LACTBL1: variants seen among roughly 807,000 people sequenced by gnomAD.
The protein encoded by LACTBL1 is lactamase beta like 1, also known as beta-lactamase-like protein 1.
A neutral mutation model predicts 39.6 loss-of-function variants in LACTBL1; 29 were observed. That is an observed-to-expected ratio of 0.73 (90% CI 0.55 to 1.00). The LOEUF is 1.00. Ranked by LOEUF, LACTBL1 falls within the 50% of genes least tolerant of loss-of-function variation. The probability of loss-of-function intolerance (pLI) is 0.00; values close to 1 mark genes in which losing one functional copy is unlikely to be tolerated. For missense variants in LACTBL1, 711 were observed against 748.5 expected, an observed-to-expected ratio of 0.95 and a Z score of 0.59; for synonymous variants, 361 against 360.7, an observed-to-expected ratio of 1.00 and a Z score of -0.01.
chr1:22,958,735 G>A, exon 4 of LACTBL1: 1 of 1,550,552 alleles, frequency 6.4e-7, no homozygotes, highest in Non-Finnish European at 8.7e-7. Context: ...AGGCCTTGGG[G>A]CGGGGCCCAC....
At chr1:22,953,133 G>A (rs1276876806) in exon 6 of LACTBL1, 6 of 1,232,126 alleles carry the variant, frequency 4.9e-6, no homozygotes, top group Non-Finnish European at 1.0e-6. Context: ...ACAGCCCGTG[G>A]TGATCCAAGG....
chr1:22,964,782 C>CAAAGGGCCTGGTAGTT (rs1391849278), intron 1 of LACTBL1, among the ~76,000 whole-genome samples: 13 of 152,212 alleles, frequency 8.5e-5, no homozygotes, highest in Non-Finnish European at 1.9e-4. Flanking sequence ...AATTGGCAAA[C>CAAAGGGCCTGGTAGTT]AAAGGGCCTG....
chr1:22,969,400 G>A (rs1259362313), upstream of LACTBL1, among the ~76,000 whole-genome samples: 1 of 152,148 alleles, frequency 6.6e-6, no homozygotes, highest in Non-Finnish European at 1.5e-5. Context: ...TGTACATACT[G>A]ACATCTGCCT....
chr1:22,971,307 A>G, the LACTBL1 span, among the ~76,000 whole-genome samples: 2 of 151,996 alleles, frequency 1.3e-5, no homozygotes, highest in African/African-American at 2.4e-5. Context: ...TCTGTCTCCA[A>G]TCTCAGGATT....
the LACTBL1 span, among the ~76,000 whole-genome samples, chr1:22,970,567 G>A: frequency 1.3e-5 from 2 of 152,096 alleles, no homozygotes; most frequent in African/African-American, 2.4e-5. Flanking sequence ...TAGAACTCTG[G>A]GAGGCCGAGG....
chr1:22,957,823 T>G (rs920008542), intron 4 of LACTBL1, among the ~76,000 whole-genome samples: 2 of 151,934 alleles, frequency 1.3e-5, no homozygotes, highest in African/African-American at 4.8e-5. Flanking sequence ...GATAATTTTT[T>G]GTATTTTTAG....
In LACTBL1 at chr1:22,953,457, C is replaced by T. The variant is rs1208090790; in HGVS notation, c.1227G>A (p.Leu409=). ...GCTCGGCCTCCCGGAGGGCGCGCTC[C>T]AGGGCGGGCAGGAGCTCATCGTAGG... The change falls in exon 6 of 6, where the codon CTG becomes CTA. Residue 409 remains leucine, a synonymous_variant. Coordinates refer to ENST00000426928, the Ensembl canonical transcript of LACTBL1. 13 of 1,227,400 alleles carry T rather than the reference C, an allele frequency of 1.1e-5. No individual in the cohort carries two copies. In the East Asian group the frequency reaches 1.3e-4, roughly 12 times the overall value. The allele number at this position is 1,227,400 out of a possible 1,614,324, so 76.0% of individuals were successfully genotyped here.
Position 22,956,285 on chromosome 1 carries a change from T to C in LACTBL1, c.554-859A>G, listed in dbSNP as rs1050792821. The stretch of plus-strand genomic sequence containing the variant: ...TTCTTGGGAGGCTGAGGCAGGAGGA[T>C]TGCTTGAGCCCAGGAAGCCAGGTTG... On this transcript the variant is annotated intron_variant, in intron 4 of 5. Transcript: ENST00000426928. 1.3e-4 allele frequency among the ~76,000 whole-genome samples: 19 copies of C among 151,920 alleles called. 2 individuals are homozygous for C. Among genetic ancestry groups the C allele is most frequent in the Admixed American group, 9.2e-4 (14 of 15,224 alleles).
intron 1 of LACTBL1, among the ~76,000 whole-genome samples, chr1:22,963,735 G>A (rs961479770): frequency 6.6e-6 from 1 of 152,134 alleles, no homozygotes; most frequent in African/African-American, 2.4e-5. Flanking sequence ...AGAAGGTGAA[G>A]TGCTGGCAGG....
intron 4 of LACTBL1, among the ~76,000 whole-genome samples, chr1:22,958,273 C>T (rs906834231): frequency 1.3e-4 from 20 of 152,126 alleles, no homozygotes; most frequent in Non-Finnish European, 2.6e-4. Flanking sequence ...TTTTTAGAGA[C>T]GGGGTCTTAC....
At chr1:22,972,243 GCATGGTCAGACATGTGTCAGAAGCTGACA>G in the LACTBL1 span, 1 of 963,358 alleles carries the variant, frequency 1.0e-6, no homozygotes, top group Non-Finnish European at 1.2e-6. Context: ...AAGGACGGTG[GCATGGTCAGACATGTGTCAGAAGCTGACA>G]CATGGTGACA....
chr1:22,957,226 TACAG>T (rs1246967484), intron 4 of LACTBL1, among the ~76,000 whole-genome samples: 1 of 152,234 alleles, frequency 6.6e-6, no homozygotes, highest in Non-Finnish European at 1.5e-5. Context: ...TGTTTGATTG[TACAG>T]CTGTGTCATA....
At chr1:22,962,048 A>G (rs1352849508) in intron 2 of LACTBL1, among the ~76,000 whole-genome samples, 2 of 152,124 alleles carry the variant, frequency 1.3e-5, no homozygotes, top group Non-Finnish European at 2.9e-5. Context: ...GCCTGGCTCT[A>G]ACTTTGCCTT....
upstream of LACTBL1, among the ~76,000 whole-genome samples, chr1:22,967,895 TA>T (rs1640899642): frequency 6.6e-6 from 1 of 152,202 alleles, no homozygotes; most frequent in African/African-American, 2.4e-5. Context: ...CAGACCCTAA[TA>T]AATATTTGTT....
At chr1:22,963,792 C>T (rs1050026861) in intron 1 of LACTBL1, among the ~76,000 whole-genome samples, 1 of 152,086 alleles carries the variant, frequency 6.6e-6, no homozygotes, top group African/African-American at 2.4e-5. Flanking sequence ...CAAGCCTCTT[C>T]CTCTAAGGCT....
the LACTBL1 span, among the ~76,000 whole-genome samples, chr1:22,970,514 T>C: frequency 6.6e-6 from 1 of 152,130 alleles, no homozygotes; most frequent in Non-Finnish European, 1.5e-5. Flanking sequence ...TATATGTTTA[T>C]CGTGGTGGTG....
At chr1:22,972,293 G>A in the LACTBL1 span, 3 of 985,110 alleles carry the variant, frequency 3.0e-6, no homozygotes, top group South Asian at 9.4e-5. Flanking sequence ...GCTTCTTGAG[G>A]CTGTGCCTCA....
intron 3 of LACTBL1, among the ~76,000 whole-genome samples, chr1:22,959,739 C>T (rs1570500194): frequency 2.6e-5 from 4 of 152,202 alleles, no homozygotes; most frequent in Non-Finnish European, 4.4e-5. Flanking sequence ...CCTTTTACCC[C>T]TGTGATGTAA....
chr1:22,959,834 G>A, intron 3 of LACTBL1, 108 bp downstream of exon 5: 1 of 1,300,588 alleles, frequency 7.7e-7, no homozygotes, highest in Non-Finnish European at 1.1e-6. Context: ...ATAGGCCCTG[G>A]CAGATTAGAC....
Sources: allele counts gnomAD v4.1 joint callset (sites outside exome capture counted in the v4.1 genomes callset), GRCh38; gene constraint gnomAD v4.1.1; transcripts MANE v1.5; gene names NCBI Gene and HGNC (gene_info 2026-07-23, HGNC 2026-07-21).